Variants in ADAMTS20 observed in about 807,000 individuals in gnomAD.
The protein encoded by ADAMTS20 is ADAM metallopeptidase with thrombospondin type 1 motif 20.
Under a neutral mutation model 260.1 loss-of-function variants are expected in ADAMTS20, and 225 were observed. That is an observed-to-expected ratio of 0.87 (90% CI 0.78 to 0.97). The LOEUF is 0.97. Among genes scored for constraint, ADAMTS20 ranks in the 50% least tolerant of loss-of-function variants. The pLI, the probability that ADAMTS20 is intolerant of heterozygous loss-of-function variation, is 0.00. For missense variants in ADAMTS20, 2,400 were observed against 2,337.7 expected, an observed-to-expected ratio of 1.03 and a Z score of -0.55; for synonymous variants, 802 against 769.5, an observed-to-expected ratio of 1.04 and a Z score of -0.70.
intron 3 of ADAMTS20, among the ~76,000 whole-genome samples, chr12:43,527,120 C>A (rs923722119): frequency 6.6e-6 from 1 of 152,118 alleles, no homozygotes. Context: ...AACCATACAA[C>A]CATCGTAGAG....
rs775717763 is a variant in ADAMTS20 at position 43,464,625 on chromosome 12, G to A, written c.1475C>T (p.Ala492Val). The change falls in exon 10 of 39, where the codon GCG becomes GTG. Residue 492 changes from alanine (A) to valine (V), a missense_variant. Ala to Val is a moderately conservative substitution (Grantham distance 64). Coordinates refer to ENST00000389420, the MANE Select transcript of ADAMTS20 (RefSeq NM_025003.5). ...ACACATTTGTGACCCAGGACCAAACGCAAGCTCACACTGCTTGTTTCCATC... is the reference window on the plus strand; with the variant it reads ...ACACATTTGTGACCCAGGACCAAACACAAGCTCACACTGCTTGTTTCCATC... ...RYDGNKQCEL[A>V]FGPGSQMCPH... 8.1e-6 allele frequency: 13 copies of A among 1,613,034 alleles called. No homozygotes were observed. The highest frequency in any genetic ancestry group is 6.7e-5 in the Admixed American group (4 of 59,924).
At chr12:43,524,792 A>T (rs1409461495) in intron 3 of ADAMTS20, among the ~76,000 whole-genome samples, 1 of 152,226 alleles carries the variant, frequency 6.6e-6, no homozygotes. Context: ...CTTTCAAATT[A>T]ATCTAATCAG....
chr12:43,418,785 T>C (rs1294196227), intron 28 of ADAMTS20, among the ~76,000 whole-genome samples: 1 of 152,226 alleles, frequency 6.6e-6, no homozygotes, highest in Non-Finnish European at 1.5e-5. Flanking sequence ...CAGCTTCTTT[T>C]AGTAGTACTT....
At chr12:43,507,906 T>C (rs1194340793) in intron 3 of ADAMTS20, among the ~76,000 whole-genome samples, 1 of 152,220 alleles carries the variant, frequency 6.6e-6, no homozygotes, top group African/African-American at 2.4e-5. Context: ...AAATACTGCA[T>C]GTTCTCACTT....
chr12:43,491,745 T>A (rs1476075315), intron 6 of ADAMTS20, among the ~76,000 whole-genome samples: 1 of 152,072 alleles, frequency 6.6e-6, no homozygotes, highest in African/African-American at 2.4e-5. Context: ...GAGGAACAGA[T>A]AAACAGATTT....
chr12:43,422,998 A>G (rs1328508030), intron 28 of ADAMTS20: 1 of 152,160 alleles, frequency 6.6e-6, no homozygotes, highest in East Asian at 1.9e-4. Context: ...GATAAACCTT[A>G]AAATGTAAAA....
In ADAMTS20 at chr12:43,428,754, A is replaced by G; in HGVS notation, c.3535T>C (p.Cys1179Arg). ...GCTATTCTATCAAGAGCATCACGAC[A>G]GCTTACATAGCGGGCTTGAGTACCT... is the stretch of plus-strand genomic sequence containing the variant. The part of the protein sequence containing the change: ...GRGTQARYVS[C>R]RDALDRIADE... Residue 1179 changes from cysteine to arginine, a missense_variant, in exon 25 of 39, where the codon TGT becomes CGT. Physicochemically the swap from Cys to Arg is radical, Grantham distance 180. Coordinates refer to ENST00000389420, the MANE Select transcript of ADAMTS20 (RefSeq NM_025003.5). The G allele has an allele frequency of 6.2e-7, 1 of 1,610,760 alleles. No individual in the cohort carries two copies.
At position 43,468,609 on chromosome 12, in the gene ADAMTS20, A is replaced by C. The variant is rs368458299; in HGVS notation, c.1214T>G (p.Leu405Arg). The stretch of plus-strand genomic sequence containing the variant: ...GACAGAAGGTACTTACGTGTGCCCA[A>C]GCTCATGGGCTATAGTAAAAGCAGA... Reference protein sequence around the residue: ...LISAFTIAHELGHTLGVQHDD... With the variant: ...LISAFTIAHERGHTLGVQHDD... The change falls in exon 8 of 39, where the codon CTT (leucine) becomes CGT (arginine). Residue 405 changes from leucine (L) to arginine (R), a missense_variant. Coordinates refer to ENST00000389420, the MANE Select transcript of ADAMTS20 (RefSeq NM_025003.5). 2 of 1,602,262 alleles carry C rather than the reference A, an allele frequency of 1.2e-6. No homozygotes were observed. Among genetic ancestry groups the C allele is most frequent in the Non-Finnish European group, 8.5e-7 (1 of 1,172,710 alleles).
chr12:43,439,879 T>C lies in ADAMTS20; in HGVS notation c.2463+18A>G, dbSNP rs371785106. On this transcript the variant is annotated intron_variant, in intron 17 of 38. Transcript: ENST00000389420. ...TATAATTAAATCCAAGTGTTATTACTGATGACTGAGAATTTACCTGCAAAA... is the reference window on the plus strand; with the variant it reads ...TATAATTAAATCCAAGTGTTATTACCGATGACTGAGAATTTACCTGCAAAA... The C allele has an allele frequency of 7.2e-4, 1,156 of 1,598,684 alleles. 11 individuals are homozygous for C. In the South Asian group the frequency reaches 1.0e-2, roughly 14 times the overall value.
intron 3 of ADAMTS20, among the ~76,000 whole-genome samples, chr12:43,526,309 T>G (rs957461642): frequency 7.9e-5 from 12 of 151,994 alleles, no homozygotes; most frequent in African/African-American, 2.9e-4. Context: ...CAAAAAGAAA[T>G]TAGCCAGGCG....
chr12:43,433,072 C>A (rs1419141485), intron 19 of ADAMTS20, among the ~76,000 whole-genome samples: 1 of 152,152 alleles, frequency 6.6e-6, no homozygotes, highest in East Asian at 1.9e-4. Context: ...TATGATTACC[C>A]AATTACTTAG....
intron 28 of ADAMTS20, among the ~76,000 whole-genome samples, chr12:43,421,955 A>G (rs1941245407): frequency 6.6e-6 from 1 of 152,038 alleles, no homozygotes; most frequent in African/African-American, 2.4e-5. Flanking sequence ...TATTAATAAT[A>G]TAAGATCTGT....
intron 2 of ADAMTS20, among the ~76,000 whole-genome samples, chr12:43,549,782 A>AG (rs1243041174): frequency 6.6e-6 from 1 of 152,202 alleles, no homozygotes. Flanking sequence ...CATGTAAAAA[A>AG]CAACTCAAGA....
chr12:43,385,084 G>A (rs866036693), intron 29 of ADAMTS20, among the ~76,000 whole-genome samples: 1 of 152,272 alleles, frequency 6.6e-6, no homozygotes, highest in South Asian at 2.1e-4. Flanking sequence ...CAGTGTAAAA[G>A]CATTCCTATT....
At chr12:43,468,738 T>A (rs556933074) in intron 7 of ADAMTS20, 33 bp from the exon 8 acceptor site, 20 of 1,228,360 alleles carry the variant, frequency 1.6e-5, no homozygotes, top group Non-Finnish European at 2.3e-5. Flanking sequence ...TTCATCAAAA[T>A]GGAAAACACT....
At position 43,550,162 on chromosome 12, in the gene ADAMTS20, T is replaced by C. The variant is rs983831839; in HGVS notation, c.453+747A>G. Among the ~76,000 whole-genome samples, 33 of 152,326 alleles carry C rather than the reference T, an allele frequency of 2.2e-4. 1 individual carries two copies. Among genetic ancestry groups the C allele is most frequent in the African/African-American group, 7.9e-4 (33 of 41,570 alleles). On this transcript the variant is annotated intron_variant, in intron 2 of 38. Transcript: ENST00000389420. ...GATGGAAAAAAGGTACATCTTTATT[T>C]TCACTAACCTCTGATACTGAGCATT...
Position 43,450,058 on chromosome 12 carries a change from A to G in ADAMTS20, c.2079+2216T>C, listed in dbSNP as rs117856092. Among the ~76,000 whole-genome samples, 1,276 of 152,270 alleles carry G rather than the reference A, an allele frequency of 8.4e-3. 16 individuals carry two copies. The highest frequency in any genetic ancestry group is 0.017 in the Middle Eastern group (5 of 294). ...AGAATACTCCAAAAAGATGACTTCC[A>G]TGGTTATTATTTTAACTCATGACCT... On this transcript the variant is annotated intron_variant, in intron 14 of 38. Transcript: ENST00000389420.
chr12:43,371,997 A>G (rs1203026007), intron 36 of ADAMTS20, among the ~76,000 whole-genome samples: 2 of 152,220 alleles, frequency 1.3e-5, no homozygotes, highest in Non-Finnish European at 2.9e-5. Flanking sequence ...TGGGTTTGAC[A>G]GCAGGTTTGG....
chr12:43,409,624 A>AAAAAAAAAAAAAAAAAAAAAAAC (rs1565684968), intron 28 of ADAMTS20, among the ~76,000 whole-genome samples: 1 of 140,502 alleles, frequency 7.1e-6, no homozygotes, highest in African/African-American at 2.6e-5. Context: ...AAAAAAAAAA[A>AAAAAAAAAAAAAAAAAAAAAAAC]AAAAAACAAG....
Sources: allele counts gnomAD v4.1 joint callset (sites outside exome capture counted in the v4.1 genomes callset), GRCh38; gene constraint gnomAD v4.1.1; transcripts MANE v1.5; gene names NCBI Gene and HGNC (gene_info 2026-07-23, HGNC 2026-07-21).